ACTB: variants seen among roughly 807,000 people sequenced by gnomAD.
ACTB encodes the protein actin beta.
Under a neutral mutation model 30.5 loss-of-function variants are expected in ACTB, and 2 were observed. The ratio of observed to expected loss-of-function variants is 0.07; its 90% CI spans 0.03 to 0.21. The LOEUF (loss-of-function observed/expected upper bound fraction) is 0.21, where lower values mean the gene tolerates loss of function less well. Ranked by LOEUF, ACTB falls within the 10% of genes least tolerant of loss-of-function variation. ACTB has a pLI of 1.00. For missense variants in ACTB, 56 were observed against 530.0 expected (o/e 0.11, Z 8.78); for synonymous variants, 335 against 217.6 (o/e 1.54, Z -4.75).
At chr7:5,529,432 C>CG in intron 2 of ACTB, 32 bp from the exon 3 acceptor site, 1 of 1,613,576 alleles carries the variant, frequency 6.2e-7, no homozygotes, top group Non-Finnish European at 8.5e-7. Context: ...GCCCTGAGCA[C>CG]GGGCGCAGCC....
In ACTB at chr7:5,527,656, A is replaced by C. The variant is rs1784793775; in HGVS notation, c.*92T>G. On this transcript the variant is annotated 3_prime_UTR_variant, in exon 6 of 6. Coordinates refer to ENST00000646664, the MANE Select transcript of ACTB (RefSeq NM_001101.5). ...AAAAAAAAACCAAAACAAAACAAAA[A>C]AAACAAATAAAGCCATGCCAATCTC... The C allele has an allele frequency of 1.9e-6, 3 of 1,578,878 alleles. No individual in the cohort carries two copies. Among genetic ancestry groups the C allele is most frequent in the Non-Finnish European group, 1.7e-6 (2 of 1,162,672 alleles).
rs761362868 is a variant in ACTB, at chr7:5,529,141, A to C, written c.363+20T>G. 1.6e-5 allele frequency: 26 copies of C among 1,613,750 alleles called. No individual in the cohort carries two copies. Among genetic ancestry groups the C allele is most frequent in the African/African-American group, 5.3e-5 (4 of 74,914 alleles). On this transcript the variant is annotated intron_variant, in intron 3 of 5. Transcript: ENST00000646664. ...AGGAAGGAGGGAGGCGGCCACCAGA[A>C]GAGGTAGCGGGCCACTCACCTGGGT...
At chr7:5,529,750 G>A in intron 1 of ACTB, 87 bp from the exon 2 acceptor site, 2 of 1,585,372 alleles carry the variant, frequency 1.3e-6, no homozygotes, top group Non-Finnish European at 1.7e-6. Context: ...CCGCCAGGGG[G>A]CGCCGGCGCG....
In ACTB at chr7:5,527,693, TGCGCAAGTTAG is replaced by T. The variant is rs1376263999; in HGVS notation, c.*44_*54del. The T allele has an allele frequency of 2.7e-5, 43 of 1,610,556 alleles. No individual in the cohort carries two copies. The Admixed American group carries it at 7.0e-4, about 26-fold the overall frequency. ...GCCATGCCAATCTCATCTTGTTTTC[TGCGCAAGTTAG>T]GTTTTGTCAAGAAAGGGTGTAACGC... is the stretch of plus-strand genomic sequence containing the variant. On this transcript the variant is annotated 3_prime_UTR_variant, in exon 6 of 6. Transcript: ENST00000646664.
intron 3 of ACTB, 75 bp from the exon 4 acceptor site, chr7:5,528,794 A>T: frequency 1.3e-6 from 2 of 1,548,938 alleles, no homozygotes. Flanking sequence ...GGACATGCAG[A>T]AAGTGCAAAG....
chr7:5,529,914 G>T (rs1584263906), intron 1 of ACTB: 1 of 451,532 alleles, frequency 2.2e-6, no homozygotes, highest in Non-Finnish European at 3.9e-6. Flanking sequence ...GGTTCAAACA[G>T]CGCCGGGTCG....
Position 5,527,620 on chromosome 7 carries a change from A to G in ACTB, c.*128T>C. Reference sequence around the variant, plus strand: ...GTTCCAGTTTTTAAATCCTGAGTCAAGCCAAAAAAAAAAAAAAAACCAAAA... The same window carrying G: ...GTTCCAGTTTTTAAATCCTGAGTCAGGCCAAAAAAAAAAAAAAAACCAAAA... On this transcript the variant is annotated 3_prime_UTR_variant, in exon 6 of 6. Transcript: ENST00000646664. 1 of 1,380,270 alleles carries G rather than the reference A, an allele frequency of 7.2e-7. No individual in the cohort carries two copies. Among genetic ancestry groups the G allele is most frequent in the Non-Finnish European group, 1.0e-6 (1 of 1,000,662 alleles). The allele number at this position is 1,380,270 out of a possible 1,614,324, so 85.5% of individuals were successfully genotyped here.
Position 5,529,432 on chromosome 7 carries a change from C to A in ACTB, c.124-32G>T, listed in dbSNP as rs762891443. ...AGGAAAGGACAAGAAGCCCTGAGCACGGGCGCAGCCCCCACCCCGGAAACC... is the reference window on the plus strand; with the variant it reads ...AGGAAAGGACAAGAAGCCCTGAGCAAGGGCGCAGCCCCCACCCCGGAAACC... On this transcript the variant is annotated intron_variant, in intron 2 of 5. Coordinates refer to ENST00000646664, the MANE Select transcript of ACTB (RefSeq NM_001101.5). 4 of 1,613,576 alleles carry A rather than the reference C, an allele frequency of 2.5e-6. No individual in the cohort carries two copies. The Admixed American group carries it at 5.0e-5, about 20-fold the overall frequency.
chr7:5,527,521 G>A lies in ACTB; in HGVS notation c.*227C>T, dbSNP rs1784789922. The A allele has an allele frequency of 1.5e-6, 1 of 674,508 alleles. No individual in the cohort carries two copies. The highest frequency in any genetic ancestry group is 2.5e-6 in the Non-Finnish European group (1 of 405,098). The allele number at this position is 674,508 out of a possible 1,614,324, so 41.8% of individuals were successfully genotyped here. A position where few individuals can be genotyped will look rare whatever the true frequency, so the allele number is the denominator to read the frequency against. ...GAATGACTATTAAAAAAACAACAAT[G>A]TGCAATCAAAGTCCTCGGCCACATT... On this transcript the variant is annotated 3_prime_UTR_variant, in exon 6 of 6. Coordinates refer to ENST00000646664, the MANE Select transcript of ACTB (RefSeq NM_001101.5).
Position 5,529,405 on chromosome 7 carries a change from GAAGGA to G in ACTB, c.124-10_124-6del. ...ACCCATGCCCACCATCACGCCCTGG[GAAGGA>G]AAGGACAAGAAGCCCTGAGCACGGG... On this transcript the variant is annotated splice_polypyrimidine_tract_variant and splice_region_variant and intron_variant, in intron 2 of 5. Transcript: ENST00000646664. 2 of 1,613,846 alleles carry G rather than the reference GAAGGA, an allele frequency of 1.2e-6. No homozygotes were observed. The highest frequency in any genetic ancestry group is 1.7e-6 in the Non-Finnish European group (2 of 1,179,892).
In ACTB at chr7:5,529,451, G is replaced by A. The variant is rs199575986; in HGVS notation, c.124-51C>T. Reference sequence around the variant, plus strand: ...TGAGCACGGGCGCAGCCCCCACCCCGGAAACCGGGAGGCTCCTGTGCAGAG... The same window carrying A: ...TGAGCACGGGCGCAGCCCCCACCCCAGAAACCGGGAGGCTCCTGTGCAGAG... On this transcript the variant is annotated intron_variant, in intron 2 of 5. Transcript: ENST00000646664. 2.3e-4 allele frequency: 379 copies of A among 1,613,440 alleles called. 1 individual carries two copies. Among genetic ancestry groups the A allele is most frequent in the East Asian group, 7.1e-4 (32 of 44,870 alleles).
At position 5,527,590 on chromosome 7, in the gene ACTB, T is replaced by TCAC; in HGVS notation, c.*155_*157dup. 2 of 1,233,542 alleles carry TCAC rather than the reference T, an allele frequency of 1.6e-6. No homozygotes were observed. The highest frequency in any genetic ancestry group is 5.7e-4 in the Middle Eastern group (2 of 3,482). 76.4% of individuals were successfully genotyped at this position (1,233,542 alleles called of 1,614,324 possible). A position where few individuals can be genotyped will look rare whatever the true frequency, so the allele number is the denominator to read the frequency against. On this transcript the variant is annotated 3_prime_UTR_variant, in exon 6 of 6. Coordinates refer to ENST00000646664, the MANE Select transcript of ACTB (RefSeq NM_001101.5). The stretch of plus-strand genomic sequence containing the variant: ...TCGCTCCAACCGACTGCTGTCACCT[T>TCAC]CACCGTTCCAGTTTTTAAATCCTGA...
intron 2 of ACTB, 42 bp from the exon 3 acceptor site, chr7:5,529,442 C>T (rs1784835541): frequency 2.5e-6 from 4 of 1,613,572 alleles, no homozygotes; most frequent in African/African-American, 2.7e-5. Context: ...CGGGCGCAGC[C>T]CCCACCCCGG....
intron 3 of ACTB, 200 bp downstream of exon 3, chr7:5,528,961 C>T: frequency 3.9e-6 from 6 of 1,551,200 alleles, no homozygotes; most frequent in East Asian, 2.4e-5. Flanking sequence ...GTCTTAGACA[C>T]CTAGTCAGAG....
In ACTB at chr7:5,527,547, G is replaced by C. The variant is rs11546911; in HGVS notation, c.*201C>G. ...TGCAATCAAAGTCCTCGGCCACATT[G>C]TGAACTTTGGGGGATGCTCGCTCCA... On this transcript the variant is annotated 3_prime_UTR_variant, in exon 6 of 6. Coordinates refer to ENST00000646664, the MANE Select transcript of ACTB (RefSeq NM_001101.5). 2 of 809,368 alleles carry C rather than the reference G, an allele frequency of 2.5e-6. No individual in the cohort carries two copies. The highest frequency in any genetic ancestry group is 3.9e-6 in the Non-Finnish European group (2 of 518,260). The allele number at this position is 809,368 out of a possible 1,614,324, so 50.1% of individuals were successfully genotyped here. A position where few individuals can be genotyped will look rare whatever the true frequency, so the allele number is the denominator to read the frequency against.
rs1784815204 is a variant in ACTB at position 5,528,621 on chromosome 7, G to A, written c.462C>T (p.Asp154=). Residue 154 remains aspartate (D), a synonymous_variant, in exon 4 of 6, where the codon GAC becomes GAT. Coordinates refer to ENST00000646664, the MANE Select transcript of ACTB (RefSeq NM_001101.5). Reference sequence around the variant, plus strand: ...CAGTGTGGGTGACCCCGTCACCGGAGTCCATCACGATGCCAGTGGTACGGC... The same window carrying A: ...CAGTGTGGGTGACCCCGTCACCGGAATCCATCACGATGCCAGTGGTACGGC... ...ASGRTTGIVM[D]SGDGVTHTVP... is the part of the protein sequence containing the mutation. The A allele has an allele frequency of 1.2e-6, 2 of 1,614,034 alleles. No individual in the cohort carries two copies. Among genetic ancestry groups the A allele is most frequent in the Non-Finnish European group, 1.7e-6 (2 of 1,180,036 alleles).
intron 1 of ACTB, chr7:5,530,096 A>C (rs1246060363): frequency 6.5e-6 from 1 of 152,756 alleles, no homozygotes; most frequent in Admixed American, 6.6e-5. Flanking sequence ...TAGCGCCTTG[A>C]GTCCCAGCGC....
chr7:5,527,537 C>A lies in ACTB; in HGVS notation c.*211G>T, dbSNP rs1343718957. ...AACAACAATGTGCAATCAAAGTCCT[C>A]GGCCACATTGTGAACTTTGGGGGAT... On this transcript the variant is annotated 3_prime_UTR_variant, in exon 6 of 6. Transcript: ENST00000646664. 3 of 740,830 alleles carry A rather than the reference C, an allele frequency of 4.0e-6. No homozygotes were observed. Among genetic ancestry groups the A allele is most frequent in the Non-Finnish European group, 2.2e-6 (1 of 459,032 alleles). The allele number at this position is 740,830 out of a possible 1,614,324, so 45.9% of individuals were successfully genotyped here. A position where few individuals can be genotyped will look rare whatever the true frequency, so the allele number is the denominator to read the frequency against.
chr7:5,527,671 A>G lies in ACTB; in HGVS notation c.*77T>C, dbSNP rs1784794222. ...CAAAACAAAAAAAACAAATAAAGCC[A>G]TGCCAATCTCATCTTGTTTTCTGCG... On this transcript the variant is annotated 3_prime_UTR_variant, in exon 6 of 6. Coordinates refer to ENST00000646664, the MANE Select transcript of ACTB (RefSeq NM_001101.5). The G allele has an allele frequency of 4.4e-6, 7 of 1,597,500 alleles. No individual in the cohort carries two copies. The highest frequency in any genetic ancestry group is 6.0e-6 in the Non-Finnish European group (7 of 1,167,222).
Sources: allele counts gnomAD v4.1 joint callset, GRCh38; gene constraint gnomAD v4.1.1; transcripts MANE v1.5; gene names NCBI Gene and HGNC (gene_info 2026-07-23, HGNC 2026-07-21).